The following DAP3 variants were observed in gnomAD, a reference collection of about 807,000 sequenced individuals.
DAP3 encodes small ribosomal subunit protein mS29.
In DAP3, 28 loss-of-function variants were observed where a neutral mutation model predicts 51.9. The ratio of observed to expected loss-of-function variants is 0.54; its 90% CI spans 0.40 to 0.74. The LOEUF (loss-of-function observed/expected upper bound fraction) is 0.74, where lower values mean the gene tolerates loss of function less well. Ranked by LOEUF, DAP3 falls within the 30% of genes least tolerant of loss-of-function variation. DAP3 has a pLI of 0.00. For synonymous variants in DAP3, 170 were observed against 170.3 expected, an observed-to-expected ratio of 1.00 and a Z score of 0.01; for missense variants, 458 against 483.5, an observed-to-expected ratio of 0.95 and a Z score of 0.49.
At chr1:155,728,132 G>T (rs1247311539) in intron 7 of DAP3, among the ~76,000 whole-genome samples, 1 of 152,050 alleles carries the variant, frequency 6.6e-6, no homozygotes, top group Non-Finnish European at 1.5e-5. Flanking sequence ...TAGACCAGGG[G>T]CCTTCAACTC....
chr1:155,712,634 A>G (rs961611849), intron 2 of DAP3, among the ~76,000 whole-genome samples: 24 of 151,626 alleles, frequency 1.6e-4, no homozygotes, highest in Admixed American at 6.6e-5. Context: ...AAAAAAAAAA[A>G]AGATTCCATT....
intron 4 of DAP3, among the ~76,000 whole-genome samples, chr1:155,724,334 A>G (rs1480783349): frequency 6.6e-6 from 1 of 152,146 alleles, no homozygotes; most frequent in African/African-American, 2.4e-5. Context: ...AAATGGTTAA[A>G]GTAATAAAAA....
chr1:155,726,113 CTTTTTTTTT>C (rs377658512), intron 6 of DAP3, 94 bp downstream of exon 6: 1 of 621,498 alleles, frequency 1.6e-6, no homozygotes, highest in African/African-American at 2.1e-5. Context: ...CTTTTCTTTT[CTTTTTTTTT>C]TTTTTTTTGA....
At chr1:155,689,042 G>A, upstream of DAP3, 2 of 1,563,216 alleles carry the variant, frequency 1.3e-6, no homozygotes, top group Non-Finnish European at 1.7e-6. Flanking sequence ...TGGAGGCCGC[G>A]GCGGCTGCGC....
intron 1 of DAP3, among the ~76,000 whole-genome samples, chr1:155,698,938 C>T (rs1654849886): frequency 6.6e-6 from 1 of 152,172 alleles, no homozygotes. Context: ...TTGAGCATGC[C>T]TTCACTGGAT....
rs148685380 is a variant in DAP3 at position 155,694,561 on chromosome 1, G to A, written c.-8+5387G>A. Among the ~76,000 whole-genome samples the A allele has an allele frequency of 2.9e-3, 406 of 141,776 alleles. 22 individuals carry two copies. In the East Asian group the frequency reaches 0.065, roughly 23 times the overall value. 93.0% of individuals were successfully genotyped at this position (141,776 alleles called of 152,430 possible). A position where few individuals can be genotyped will look rare whatever the true frequency, so the allele number is the denominator to read the frequency against. On this transcript the variant is annotated intron_variant, in intron 1 of 12. Transcript: ENST00000368336. The stretch of plus-strand genomic sequence containing the variant: ...TCTTGATCTGTCCCCAAGTTGGTGG[G>A]CTCGCTTGATGGGTTTTGTTGGTCT...
chr1:155,726,153 G>A (rs778599947), intron 6 of DAP3, 134 bp downstream of exon 6: 137 of 752,190 alleles, frequency 1.8e-4, no homozygotes, highest in Non-Finnish European at 2.3e-4. Context: ...CGCTCTTGTC[G>A]GCCAGTCTGG....
chr1:155,726,909 G>A (rs545978037), intron 6 of DAP3: 1 of 152,272 alleles, frequency 6.6e-6, no homozygotes, highest in African/African-American at 2.4e-5. Flanking sequence ...AAGTCAATGT[G>A]ACAAAAGGAA....
intron 11 of DAP3, among the ~76,000 whole-genome samples, chr1:155,734,139 A>G (rs1184803906): frequency 1.3e-5 from 2 of 152,138 alleles, no homozygotes; most frequent in African/African-American, 2.4e-5. Flanking sequence ...CCTGGGCAAT[A>G]GAGTGCGGCC....
intron 1 of DAP3, among the ~76,000 whole-genome samples, chr1:155,694,739 G>A (rs1283556464): frequency 1.3e-5 from 2 of 152,112 alleles, no homozygotes; most frequent in Non-Finnish European, 2.9e-5. Flanking sequence ...GTTTTCTTCT[G>A]GGGAAATACA....
chr1:155,729,481 G>A (rs1658970352), intron 9 of DAP3, 115 bp downstream of exon 9: 1 of 1,382,152 alleles, frequency 7.2e-7, no homozygotes, highest in Admixed American at 2.4e-5. Flanking sequence ...AGGAATATTT[G>A]AAGATAAACA....
chr1:155,712,137 A>G (rs1656788677), intron 2 of DAP3, among the ~76,000 whole-genome samples: 1 of 152,168 alleles, frequency 6.6e-6, no homozygotes, highest in Non-Finnish European at 1.5e-5. Flanking sequence ...AATCCAATCA[A>G]GTTGACGCTT....
intron 1 of DAP3, among the ~76,000 whole-genome samples, chr1:155,692,313 T>C (rs1653930028): frequency 7.1e-6 from 1 of 141,710 alleles, no homozygotes; most frequent in South Asian, 2.1e-4. Context: ...TTTCCACAAC[T>C]TACTGTCCCA....
chr1:155,721,477 CTT>C, intron 3 of DAP3, 38 bp from the exon 4 acceptor site: 1 of 1,600,456 alleles, frequency 6.2e-7, no homozygotes, highest in Non-Finnish European at 8.6e-7. Context: ...GTCTTGGTCA[CTT>C]TGTCACCATT....
At position 155,725,378 on chromosome 1, in the gene DAP3, T is replaced by C; in HGVS notation, c.271-4T>C. The C allele has an allele frequency of 1.2e-6, 2 of 1,613,304 alleles. No individual in the cohort carries two copies. Among genetic ancestry groups the C allele is most frequent in the Non-Finnish European group, 1.7e-6 (2 of 1,179,324 alleles). ...CACTCTTTCCTTCTTTCCTACTTTA[T>C]CAGGTGAAGACATTCAGTGAAGCTT... On this transcript the variant is annotated splice_polypyrimidine_tract_variant and splice_region_variant and intron_variant, in intron 4 of 12. Transcript: ENST00000368336.
chr1:155,728,217 A>G (rs1047817790), intron 7 of DAP3, among the ~76,000 whole-genome samples: 2 of 152,122 alleles, frequency 1.3e-5, no homozygotes, highest in African/African-American at 4.8e-5. Flanking sequence ...CATTTTCATC[A>G]GAATCCCTTA....
At chr1:155,688,203 T>A, upstream of DAP3, 7 of 1,613,870 alleles carry the variant, frequency 4.3e-6, no homozygotes, top group Non-Finnish European at 5.1e-6. Flanking sequence ...GTAAGCCGAC[T>A]GGCGGAAATG....
chr1:155,737,466 A>G (rs1404115209), intron 12 of DAP3, among the ~76,000 whole-genome samples: 1 of 152,174 alleles, frequency 6.6e-6, no homozygotes, highest in Non-Finnish European at 1.5e-5. Flanking sequence ...TCTTTGCCAC[A>G]CCTGTCCTAG....
upstream of DAP3, chr1:155,688,726 C>G (rs780567044): frequency 6.6e-7 from 1 of 1,516,896 alleles, no homozygotes; most frequent in African/African-American, 1.4e-5. Flanking sequence ...CCCGCCCGCA[C>G]GGCCACCAAC....
Sources: allele counts gnomAD v4.1 joint callset (sites outside exome capture counted in the v4.1 genomes callset), GRCh38; gene constraint gnomAD v4.1.1; transcripts MANE v1.5; gene names NCBI Gene and HGNC (gene_info 2026-07-23, HGNC 2026-07-21).